RPF2: variants seen among roughly 807,000 people sequenced by gnomAD.
RPF2 encodes the protein ribosome production factor 2 homolog.
RPF2 carries 21 observed loss-of-function variants against 38.9 expected under a neutral mutation model. The observed-to-expected ratio is 0.54, with a 90% CI of 0.38 to 0.78. The LOEUF (loss-of-function observed/expected upper bound fraction) is 0.78. Among genes scored for constraint, RPF2 ranks in the 30% least tolerant of loss-of-function variants. The probability of loss-of-function intolerance (pLI) is 0.00; values close to 1 mark genes in which losing one functional copy is unlikely to be tolerated. For synonymous variants in RPF2, 121 were observed against 126.2 expected (o/e 0.96, Z 0.28); for missense variants, 314 against 358.1 (o/e 0.88, Z 0.99).
chr6:111,020,807 G>A (rs1265554487), intron 8 of RPF2, among the ~76,000 whole-genome samples: 1 of 151,984 alleles, frequency 6.6e-6, no homozygotes, highest in Non-Finnish European at 1.5e-5. Flanking sequence ...AGCCAAGATC[G>A]CACCACTGCA....
chr6:111,017,164 G>A (rs1772131183), intron 8 of RPF2, among the ~76,000 whole-genome samples: 1 of 152,066 alleles, frequency 6.6e-6, no homozygotes, highest in Non-Finnish European at 1.5e-5. Flanking sequence ...AACCGCCATC[G>A]TCATCATGGC....
At chr6:110,994,160 C>T (rs1360127455) in intron 4 of RPF2, among the ~76,000 whole-genome samples, 4 of 151,978 alleles carry the variant, frequency 2.6e-5, no homozygotes, top group Non-Finnish European at 5.9e-5. Flanking sequence ...CCTATAATTC[C>T]AGCTACTCGG....
intron 6 of RPF2, among the ~76,000 whole-genome samples, chr6:111,001,011 A>G (rs898428419): frequency 2.0e-5 from 3 of 152,210 alleles, no homozygotes; most frequent in Admixed American, 6.5e-5. Flanking sequence ...CAGGTTTGGT[A>G]GAATTCCTGT....
At position 111,008,218 on chromosome 6, in the gene RPF2, T is replaced by C. The variant is rs886946669; in HGVS notation, c.493+81T>C. On this transcript the variant is annotated intron_variant, in intron 7 of 9. Transcript: ENST00000441448. ...TCTCACTGGTGGCACTTTGCTACTT[T>C]AGGTTTGTAACTTCTTTTTTCTCTT... 27 of 1,425,846 alleles carry C rather than the reference T, an allele frequency of 1.9e-5. No individual in the cohort carries two copies. In the African/African-American group the frequency reaches 3.3e-4, roughly 17 times the overall value. 88.3% of individuals were successfully genotyped at this position (1,425,846 alleles called of 1,614,324 possible). A position where few individuals can be genotyped will look rare whatever the true frequency, so the allele number is the denominator to read the frequency against.
intron 7 of RPF2, among the ~76,000 whole-genome samples, 166 bp downstream of exon 7, chr6:111,008,303 A>G (rs1480183764): frequency 6.6e-6 from 1 of 152,114 alleles, no homozygotes; most frequent in African/African-American, 2.4e-5. Flanking sequence ...TTTGCATGCC[A>G]TCCTTGCGCA....
At chr6:111,002,778 T>G (rs1771832253) in intron 6 of RPF2, among the ~76,000 whole-genome samples, 1 of 152,078 alleles carries the variant, frequency 6.6e-6, no homozygotes, top group Non-Finnish European at 1.5e-5. Flanking sequence ...GCAGTCTTTT[T>G]TTTTTTTGAG....
chr6:111,009,049 G>A (rs1406155988), intron 7 of RPF2, among the ~76,000 whole-genome samples: 4 of 151,556 alleles, frequency 2.6e-5, no homozygotes, highest in South Asian at 2.1e-4. Flanking sequence ...ACAGGTGCCC[G>A]TCACCATGCT....
intron 4 of RPF2, among the ~76,000 whole-genome samples, chr6:110,995,093 C>T (rs775529579): frequency 2.6e-5 from 4 of 151,844 alleles, no homozygotes; most frequent in African/African-American, 7.3e-5. Flanking sequence ...TTACTAGAGA[C>T]GGGATTTTGC....
At position 111,025,800 on chromosome 6, in the gene RPF2, T is replaced by A; in HGVS notation, c.*218T>A. On this transcript the variant is annotated 3_prime_UTR_variant, in exon 10 of 10. Transcript: ENST00000441448. Reference sequence around the variant, plus strand: ...TGGTGTGCCATTTTCTCTTGTGATATCCCCTGCCCTCCACAAATTCTTCTT... The same window carrying A: ...TGGTGTGCCATTTTCTCTTGTGATAACCCCTGCCCTCCACAAATTCTTCTT... 3.2e-6 allele frequency: 1 copy of A among 316,868 alleles called. No individual in the cohort carries two copies. Among genetic ancestry groups the A allele is most frequent in the East Asian group, 5.2e-5 (1 of 19,070 alleles). The allele number at this position is 316,868 out of a possible 1,614,324, so 19.6% of individuals were successfully genotyped here.
At chr6:110,987,478 T>G (rs1771543642) in intron 2 of RPF2, among the ~76,000 whole-genome samples, 1 of 152,224 alleles carries the variant, frequency 6.6e-6, no homozygotes, top group South Asian at 2.1e-4. Context: ...TTCATTGTGC[T>G]AACGGGAAAC....
chr6:111,020,072 G>A (rs938742664), intron 8 of RPF2, among the ~76,000 whole-genome samples: 15 of 151,730 alleles, frequency 9.9e-5, no homozygotes, highest in Admixed American at 7.2e-4. Context: ...CCGCCACCAC[G>A]CCCGGCTAAT....
At chr6:111,009,315 A>T (rs1366901179) in intron 7 of RPF2, among the ~76,000 whole-genome samples, 1 of 151,928 alleles carries the variant, frequency 6.6e-6, no homozygotes, top group Non-Finnish European at 1.5e-5. Context: ...CGCCCTCCCA[A>T]AGTGCTGGGA....
At chr6:111,008,482 G>A (rs1269600174) in intron 7 of RPF2, among the ~76,000 whole-genome samples, 1 of 151,710 alleles carries the variant, frequency 6.6e-6, no homozygotes, top group Admixed American at 6.6e-5. Flanking sequence ...CTGTTGTACT[G>A]TGTAGATGAT....
chr6:111,024,509 C>T (rs1219333033), intron 9 of RPF2, among the ~76,000 whole-genome samples, 182 bp downstream of exon 9: 6 of 151,930 alleles, frequency 3.9e-5, no homozygotes, highest in Non-Finnish European at 7.4e-5. Context: ...GTCAGGAGAT[C>T]GAGACCATCC....
At chr6:110,987,973 G>C (rs1771552330) in intron 2 of RPF2, among the ~76,000 whole-genome samples, 1 of 151,966 alleles carries the variant, frequency 6.6e-6, no homozygotes, top group South Asian at 2.1e-4. Flanking sequence ...ACAACAAAGT[G>C]AGACCCCATC....
chr6:110,990,546 T>C (rs900700169), intron 3 of RPF2, among the ~76,000 whole-genome samples: 1 of 149,838 alleles, frequency 6.7e-6, no homozygotes, highest in African/African-American at 2.5e-5. Context: ...ATTGTTCTGT[T>C]TGGCAATTGG....
chr6:111,024,226 T>G lies in RPF2; in HGVS notation c.640T>G (p.Leu214Val), dbSNP rs878901159. Residue 214 changes from leucine (L) to valine (V), a missense_variant, in exon 9 of 10, where the codon TTG becomes GTG. Coordinates refer to ENST00000441448, the MANE Select transcript of RPF2 (RefSeq NM_032194.3). Reference sequence around the variant, plus strand: ...TGGTTGCAGAACACCACGGATTGAATTGGAAGAGATGGGACCCTCATTGGA... The same window carrying G: ...TGGTTGCAGAACACCACGGATTGAAGTGGAAGAGATGGGACCCTCATTGGA... ...KSGCRTPRIE[L>V]EEMGPSLDLV... 1 of 1,610,970 alleles carries G rather than the reference T, an allele frequency of 6.2e-7. No individual in the cohort carries two copies. The highest frequency in any genetic ancestry group is 8.5e-7 in the Non-Finnish European group (1 of 1,179,612).
intron 3 of RPF2, among the ~76,000 whole-genome samples, chr6:110,989,903 G>A (rs1291726947): frequency 6.6e-6 from 1 of 151,310 alleles, no homozygotes; most frequent in African/African-American, 2.4e-5. Context: ...GATTACAGGC[G>A]TGAGCCACCC....
chr6:111,022,053 A>G (rs1772243213), intron 8 of RPF2, among the ~76,000 whole-genome samples: 1 of 152,210 alleles, frequency 6.6e-6, no homozygotes, highest in South Asian at 2.1e-4. Context: ...CCGTTGGGAA[A>G]TTTTATTCAC....
Sources: allele counts gnomAD v4.1 joint callset (sites outside exome capture counted in the v4.1 genomes callset), GRCh38; gene constraint gnomAD v4.1.1; transcripts MANE v1.5; gene names NCBI Gene and HGNC (gene_info 2026-07-23, HGNC 2026-07-21).